The following ZNF440 variants were observed in gnomAD, a reference collection of about 807,000 sequenced individuals.
ZNF440 encodes zinc finger protein 440.
ZNF440 carries 47 observed loss-of-function variants against 49.7 expected under a neutral mutation model. The observed-to-expected ratio is 0.95, with a 90% CI of 0.75 to 1.21. The LOEUF (loss-of-function observed/expected upper bound fraction) is 1.21. Ranked by LOEUF, ZNF440 falls within the 50% of genes most tolerant of loss-of-function variation. The pLI is 0.00. For missense variants in ZNF440, 703 were observed against 715.0 expected (o/e 0.98, Z 0.19); for synonymous variants, 255 against 237.7 (o/e 1.07, Z -0.67).
Position 11,830,642 on chromosome 19 carries a change from TG to T in ZNF440, c.157del (p.Glu53AsnfsTer15). The T allele has an allele frequency of 1.2e-6, 2 of 1,614,038 alleles. No homozygotes were observed. Among genetic ancestry groups the T allele is most frequent in the Non-Finnish European group, 1.7e-6 (2 of 1,179,962 alleles). ...LGKRWKDQNI[E>X]YEHQNPRRNF... is the part of the protein sequence containing the mutation. ...GAAAAAGGTGGAAAGACCAGAACAT[TG>T]AATATGAGCACCAAAACCCCAGGAG... On this transcript the variant is annotated frameshift_variant, in exon 3 of 4. Transcript: ENST00000304060. LOFTEE classifies it high-confidence loss of function.
At chr19:11,825,015 C>G (rs530523705) in intron 1 of ZNF440, among the ~76,000 whole-genome samples, 1 of 152,016 alleles carries the variant, frequency 6.6e-6, no homozygotes, top group East Asian at 1.9e-4. Context: ...CATAGTTCCC[C>G]CTATTCTAAA....
At chr19:11,815,355 G>A (rs1253509631) in intron 1 of ZNF440, among the ~76,000 whole-genome samples, 3 of 148,214 alleles carry the variant, frequency 2.0e-5, no homozygotes, top group Non-Finnish European at 4.5e-5. Flanking sequence ...AGACGGGAAG[G>A]AACAGGGACT....
intron 1 of ZNF440, among the ~76,000 whole-genome samples, chr19:11,822,402 G>T (rs1599291148): frequency 6.6e-6 from 1 of 152,200 alleles, no homozygotes; most frequent in Non-Finnish European, 1.5e-5. Context: ...GGCAACTCTA[G>T]AATTAATTAA....
At chr19:11,817,248 A>T (rs1354259041) in intron 1 of ZNF440, 1 of 152,190 alleles carries the variant, frequency 6.6e-6, no homozygotes, top group Admixed American at 6.6e-5. Context: ...CTTGGATCTC[A>T]TACAGGAAGG....
chr19:11,831,309 G>C, intron 3 of ZNF440, 59 bp from the exon 4 acceptor site: 2 of 1,553,844 alleles, frequency 1.3e-6, no homozygotes, highest in Non-Finnish European at 1.7e-6. Context: ...AATACTTGTT[G>C]ATTAATATAG....
intron 1 of ZNF440, chr19:11,816,583 G>C (rs1055836799): frequency 2.0e-5 from 3 of 152,190 alleles, no homozygotes; most frequent in Non-Finnish European, 4.4e-5. Flanking sequence ...AGGGTTTTTT[G>C]GGGGTTCCCT....
At chr19:11,821,893 G>A (rs1188059545) in intron 1 of ZNF440, among the ~76,000 whole-genome samples, 2 of 152,214 alleles carry the variant, frequency 1.3e-5, no homozygotes, top group Admixed American at 6.5e-5. Flanking sequence ...TACAGTGCAT[G>A]GCTCACAATC....
chr19:11,826,062 C>T (rs904603357), intron 1 of ZNF440, among the ~76,000 whole-genome samples: 6 of 152,196 alleles, frequency 3.9e-5, no homozygotes, highest in African/African-American at 9.6e-5. Flanking sequence ...TCCACCCGCT[C>T]GGCCTCCCAA....
chr19:11,827,701 G>A (rs923566972), intron 1 of ZNF440: 12 of 152,188 alleles, frequency 7.9e-5, no homozygotes, highest in Non-Finnish European at 7.3e-5. Flanking sequence ...TGTAAAAGGT[G>A]CAGTTCTGTG....
rs1171637627 is a variant in ZNF440, at chr19:11,834,989, G to C, written c.*2025G>C. On this transcript the variant is annotated 3_prime_UTR_variant, in exon 4 of 4. Transcript: ENST00000304060. ...GAATTGCTTGAATATAGGAAGCAGA[G>C]GTTGCAGTGAGCCGAGGTTGCACCA... is the stretch of plus-strand genomic sequence containing the variant. 1 of 152,086 alleles carries C rather than the reference G, an allele frequency of 6.6e-6. No homozygotes were observed. The highest frequency in any genetic ancestry group is 2.4e-5 in the African/African-American group (1 of 41,390). 9.4% of individuals were successfully genotyped at this position (152,086 alleles called of 1,614,324 possible).
At position 11,830,389 on chromosome 19, in the gene ZNF440, T is replaced by A. The variant is rs1241789409; in HGVS notation, c.110T>A (p.Phe37Tyr). 1.9e-6 allele frequency: 3 copies of A among 1,614,040 alleles called. No homozygotes were observed. In the African/African-American group the frequency reaches 4.0e-5, roughly 22 times the overall value. ...KLYREVMLET[F>Y]RNLTSLGKRW... Reference sequence around the variant, plus strand: ...TACAGGGAAGTGATGCTGGAAACTTTCAGGAACCTGACCTCTTTAGGTAAG... The same window carrying A: ...TACAGGGAAGTGATGCTGGAAACTTACAGGAACCTGACCTCTTTAGGTAAG... Residue 37 changes from phenylalanine (F) to tyrosine (Y), a missense_variant, in exon 2 of 4, where the codon TTC becomes TAC. Phe to Tyr is a conservative substitution (Grantham distance 22, BLOSUM62 3). Coordinates refer to ENST00000304060, the MANE Select transcript of ZNF440 (RefSeq NM_152357.3).
At chr19:11,829,538 T>C (rs921104630) in intron 1 of ZNF440, among the ~76,000 whole-genome samples, 3 of 152,084 alleles carry the variant, frequency 2.0e-5, no homozygotes, top group Non-Finnish European at 2.9e-5. Flanking sequence ...GACTCTATCA[T>C]GACAGGTGCT....
At chr19:11,827,803 C>T (rs1459604305) in intron 1 of ZNF440, among the ~76,000 whole-genome samples, 6 of 152,104 alleles carry the variant, frequency 3.9e-5, no homozygotes, top group Non-Finnish European at 7.4e-5. Context: ...ATTATGGAGA[C>T]GGGTATCTCC....
At chr19:11,823,794 C>T (rs553606344) in intron 1 of ZNF440, among the ~76,000 whole-genome samples, 23 of 152,114 alleles carry the variant, frequency 1.5e-4, no homozygotes, top group African/African-American at 5.1e-4. Flanking sequence ...GAAACCCTGT[C>T]TCTACTAAAA....
intron 1 of ZNF440, 180 bp from the exon 2 acceptor site, chr19:11,830,103 A>T: frequency 7.4e-7 from 1 of 1,344,498 alleles, no homozygotes; most frequent in Middle Eastern, 2.4e-4. Context: ...AGAGTGAAAA[A>T]AAAAACAAGT....
chr19:11,819,605 G>A (rs1245412703), intron 1 of ZNF440, among the ~76,000 whole-genome samples: 4 of 152,110 alleles, frequency 2.6e-5, no homozygotes, highest in Non-Finnish European at 5.9e-5. Flanking sequence ...TCACCATGTT[G>A]GCCAGGCTGG....
chr19:11,832,586 C>A lies in ZNF440; in HGVS notation c.1410C>A (p.Pro470=), dbSNP rs1207185986. ...CKICGKGFYC[P]KSFQRHEKTH... ...TATGTGGGAAAGGCTTTTATTGTCCCAAATCATTTCAAAGACATGAAAAAA... is the reference window on the plus strand; with the variant it reads ...TATGTGGGAAAGGCTTTTATTGTCCAAAATCATTTCAAAGACATGAAAAAA... Residue 470 remains proline, a synonymous_variant, in exon 4 of 4, where the codon CCC becomes CCA. Transcript: ENST00000304060. 2 of 1,613,452 alleles carry A rather than the reference C, an allele frequency of 1.2e-6. No homozygotes were observed. The highest frequency in any genetic ancestry group is 2.7e-5 in the African/African-American group (2 of 74,852).
chr19:11,825,002 C>T (rs1050666900), intron 1 of ZNF440, among the ~76,000 whole-genome samples: 1 of 151,866 alleles, frequency 6.6e-6, no homozygotes, highest in African/African-American at 2.4e-5. Context: ...CCACCGTACC[C>T]AGCATAGTTC....
In ZNF440 at chr19:11,832,992, G is replaced by T; in HGVS notation, c.*28G>T. On this transcript the variant is annotated 3_prime_UTR_variant, in exon 4 of 4. Transcript: ENST00000304060. Reference sequence around the variant, plus strand: ...CACTCTGTAGAGAGACCTTATAAATGTAAGATATGTGGGAGGGGCTTTTAT... The same window carrying T: ...CACTCTGTAGAGAGACCTTATAAATTTAAGATATGTGGGAGGGGCTTTTAT... 1 of 1,599,934 alleles carries T rather than the reference G, an allele frequency of 6.3e-7. No individual in the cohort carries two copies.
Sources: gnomAD v4.1 joint callset for allele counts (sites outside exome capture counted in the v4.1 genomes callset) on GRCh38, gnomAD v4.1.1 for gene constraint, MANE v1.5 for transcripts, NCBI Gene and HGNC (gene_info 2026-07-23, HGNC 2026-07-21) for gene names.